The following PPP6R2 variants were observed in gnomAD, a reference collection of about 807,000 sequenced individuals.
PPP6R2 encodes the protein serine/threonine-protein phosphatase 6 regulatory subunit 2.
Under a neutral mutation model 100.2 loss-of-function variants are expected in PPP6R2, and 62 were observed. That is an observed-to-expected ratio of 0.62 (90% CI 0.50 to 0.76). PPP6R2 has a LOEUF of 0.76. Ranked by LOEUF, PPP6R2 falls within the 30% of genes least tolerant of loss-of-function variation. PPP6R2 has a pLI of 0.00. For missense variants in PPP6R2, 1,142 were observed against 1,276.3 expected (o/e 0.89, Z 1.60); for synonymous variants, 525 against 514.7 (o/e 1.02, Z -0.27).
intron 4 of PPP6R2, among the ~76,000 whole-genome samples, chr22:50,413,709 A>T (rs1390889078): frequency 9.0e-6 from 1 of 111,638 alleles, no homozygotes; most frequent in Non-Finnish European, 1.8e-5. Flanking sequence ...TTTTCCCACC[A>T]CTCCTTTTCC....
chr22:50,431,235 C>T lies in PPP6R2; in HGVS notation c.1188C>T (p.Ala396=), dbSNP rs201901929. ...ACTTCCAAGTGGAACTATGCATAGC[C>T]GCTATTCTCTCCCACGCTGCCCGTG... is the stretch of plus-strand genomic sequence containing the variant. ...FLHFQVELCI[A]AILSHAAREE... Residue 396 remains alanine, a synonymous_variant, in exon 11 of 24, where the codon GCC becomes GCT. Transcript: ENST00000612753. This position sits in a 1 kb window ranked among gnomAD's most constrained non-coding sequence, Gnocchi z 4.8. 23 of 1,613,866 alleles carry T rather than the reference C, an allele frequency of 1.4e-5. No individual in the cohort carries two copies. Among genetic ancestry groups the T allele is most frequent in the East Asian group, 4.5e-5 (2 of 44,886 alleles).
chr22:50,339,595 A>G (rs1419019159), upstream of PPP6R2, among the ~76,000 whole-genome samples: 115 of 36,542 alleles, frequency 3.1e-3, no homozygotes, highest in East Asian at 4.0e-3. Context: ...TGTGTGTGGT[A>G]TGGTGTGTGC....
At chr22:50,377,203 C>T (rs985528849) in intron 2 of PPP6R2, among the ~76,000 whole-genome samples, 1 of 152,038 alleles carries the variant, frequency 6.6e-6, no homozygotes, top group Admixed American at 6.6e-5. Flanking sequence ...CTTGTAATCC[C>T]AGTACTTTGG....
intron 1 of PPP6R2, among the ~76,000 whole-genome samples, chr22:50,354,727 G>A (rs2046077223): frequency 6.6e-6 from 1 of 151,748 alleles, no homozygotes; most frequent in Admixed American, 6.6e-5. Context: ...TCAGGAGGCT[G>A]AGGCAGGGGT....
At chr22:50,340,489 G>C (rs1374242955), upstream of PPP6R2, among the ~76,000 whole-genome samples, 1 of 141,492 alleles carries the variant, frequency 7.1e-6, no homozygotes, top group Non-Finnish European at 1.5e-5. Context: ...GGTGTGTGTG[G>C]TGTGTGTAGG....
chr22:50,432,818 G>A (rs1028653838), intron 12 of PPP6R2, among the ~76,000 whole-genome samples: 6 of 152,340 alleles, frequency 3.9e-5, no homozygotes, highest in African/African-American at 1.2e-4. Context: ...GGCTCTGGGC[G>A]ATATGAGGAG....
chr22:50,353,872 A>T (rs1220600213), intron 1 of PPP6R2, among the ~76,000 whole-genome samples: 1 of 149,110 alleles, frequency 6.7e-6, no homozygotes, highest in African/African-American at 2.5e-5. Context: ...TTTTTAAAAA[A>T]TTTTAATAGA....
At chr22:50,391,702 G>GTTTTTTTTTTT (rs71198243) in intron 2 of PPP6R2, among the ~76,000 whole-genome samples, 1 of 144,922 alleles carries the variant, frequency 6.9e-6, no homozygotes, top group Non-Finnish European at 1.5e-5. Context: ...GTATCTTGCT[G>GTTTTTTTTTTT]TTTTTTTTTT....
intron 6 of PPP6R2, among the ~76,000 whole-genome samples, chr22:50,417,809 C>G (rs1301273480): frequency 6.6e-6 from 1 of 152,224 alleles, no homozygotes; most frequent in African/African-American, 2.4e-5. Flanking sequence ...GTCCCAAAGG[C>G]AGACCTGAGA....
chr22:50,384,844 G>A (rs566620799), intron 2 of PPP6R2, among the ~76,000 whole-genome samples: 7 of 152,212 alleles, frequency 4.6e-5, no homozygotes, highest in Non-Finnish European at 8.8e-5. Flanking sequence ...GGGCTCAAGC[G>A]ATCCTCCCAC....
At chr22:50,392,936 AC>A (rs1323586786) in intron 2 of PPP6R2, among the ~76,000 whole-genome samples, 1 of 152,232 alleles carries the variant, frequency 6.6e-6, no homozygotes, top group African/African-American at 2.4e-5. Flanking sequence ...AATTCCATCT[AC>A]TATTACTATA....
At chr22:50,350,844 C>CAAA (rs532536985) in intron 1 of PPP6R2, among the ~76,000 whole-genome samples, 1 of 125,682 alleles carries the variant, frequency 8.0e-6, no homozygotes, top group Non-Finnish European at 1.7e-5. Context: ...GACTCCGTCT[C>CAAA]AAAAAAAAAA....
At chr22:50,419,514 T>C (rs1311287084) in intron 8 of PPP6R2, 52 bp downstream of exon 8, 1 of 1,284,140 alleles carries the variant, frequency 7.8e-7, no homozygotes, top group East Asian at 2.4e-5. Context: ...GCCTCAGTGA[T>C]ATGGCAGCCC....
chr22:50,339,097 GTATGTAGTGTGGTATGTAGTGTGTGT>G (rs2042338546), upstream of PPP6R2, among the ~76,000 whole-genome samples: 1 of 136,980 alleles, frequency 7.3e-6, no homozygotes, highest in African/African-American at 2.8e-5. Flanking sequence ...GGTGTGTGTG[GTATGTAGTGTGGTATGTAGTGTGTGT>G]TATGTAGTGT....
chr22:50,334,496 A>G, the PPP6R2 span, among the ~76,000 whole-genome samples: 1 of 152,186 alleles, frequency 6.6e-6, no homozygotes, highest in East Asian at 1.9e-4. Flanking sequence ...ATAATCATAT[A>G]TATAATCTAT....
chr22:50,356,824 C>G (rs866482469), intron 1 of PPP6R2, among the ~76,000 whole-genome samples: 1 of 151,854 alleles, frequency 6.6e-6, no homozygotes, highest in Non-Finnish European at 1.5e-5. Flanking sequence ...ATCCCAGCTA[C>G]TTGGGAGGCT....
intron 2 of PPP6R2, among the ~76,000 whole-genome samples, chr22:50,381,003 A>G (rs1447568624): frequency 6.6e-6 from 1 of 150,436 alleles, no homozygotes; most frequent in African/African-American, 2.4e-5. Context: ...AAAAAAAAAA[A>G]ATTAGCTGGG....
chr22:50,403,548 TTCGGCTAGTGAGG>T (rs1160835996), intron 3 of PPP6R2, among the ~76,000 whole-genome samples: 3 of 152,226 alleles, frequency 2.0e-5, no homozygotes, highest in Non-Finnish European at 4.4e-5. Flanking sequence ...GGCCAGAAAG[TTCGGCTAGTGAGG>T]TCGGCTAGTG....
At chr22:50,370,422 G>A (rs941388902) in intron 1 of PPP6R2, among the ~76,000 whole-genome samples, 1 of 151,610 alleles carries the variant, frequency 6.6e-6, no homozygotes, top group African/African-American at 2.4e-5. Flanking sequence ...CGAGGAGATG[G>A]GATTACAGGC....
Sources: allele counts gnomAD v4.1 joint callset (sites outside exome capture counted in the v4.1 genomes callset), GRCh38; gene constraint gnomAD v4.1.1; non-coding constraint Gnocchi (gnomAD v3.1); transcripts MANE v1.5; gene names NCBI Gene and HGNC (gene_info 2026-07-23, HGNC 2026-07-21).